Variants in CPNE7 observed in about 807,000 individuals in gnomAD.
The protein encoded by CPNE7 is copine 7.
In CPNE7, 78 loss-of-function variants were observed where a neutral mutation model predicts 66.5. The observed-to-expected ratio is 1.17, with a 90% CI of 0.98 to 1.42. The LOEUF (loss-of-function observed/expected upper bound fraction) is 1.42, where lower values mean the gene tolerates loss of function less well. CPNE7 is among the 40% of genes most tolerant of loss of function. CPNE7 has a pLI of 0.00. For missense variants in CPNE7, 1,012 were observed against 776.6 expected, an observed-to-expected ratio of 1.30 and a Z score of -3.60; for synonymous variants, 468 against 336.7, an observed-to-expected ratio of 1.39 and a Z score of -4.27.
intron 13 of CPNE7, among the ~76,000 whole-genome samples, chr16:89,591,473 C>T (rs890785903): frequency 1.3e-4 from 20 of 152,238 alleles, no homozygotes; most frequent in East Asian, 3.8e-4. Context: ...TCGCCTCACA[C>T]GGTCACGGCC....
chr16:89,596,308 C>G (rs1469661008), intron 14 of CPNE7, among the ~76,000 whole-genome samples, 176 bp from the exon 15 acceptor site: 1 of 152,238 alleles, frequency 6.6e-6, no homozygotes, highest in Non-Finnish European at 1.5e-5. Context: ...CCACGTGCAG[C>G]CTCATGTGGC....
rs367624092 is a variant in CPNE7, at chr16:89,587,039, G to T, written c.868-4G>T. Reference sequence around the variant, plus strand: ...GGGTGGACGCTGACTCCGCCGGCCGGAAGTTCCACAGGGTGTACTCCTTCC... The same window carrying T: ...GGGTGGACGCTGACTCCGCCGGCCGTAAGTTCCACAGGGTGTACTCCTTCC... On this transcript the variant is annotated splice_region_variant and splice_polypyrimidine_tract_variant and intron_variant, in intron 8 of 14. Transcript: ENST00000319518. 8 of 1,577,822 alleles carry T rather than the reference G, an allele frequency of 5.1e-6. No individual in the cohort carries two copies. Among genetic ancestry groups the T allele is most frequent in the Non-Finnish European group, 6.9e-6 (8 of 1,161,532 alleles).
intron 1 of CPNE7, 82 bp from the exon 2 acceptor site, chr16:89,577,457 G>A: frequency 7.1e-7 from 1 of 1,402,802 alleles, no homozygotes; most frequent in Non-Finnish European, 9.7e-7. Flanking sequence ...CTGGGCGTGG[G>A]TGAGCGGCAG....
intron 2 of CPNE7, among the ~76,000 whole-genome samples, chr16:89,582,629 T>G (rs71396930): frequency 0.028 from 4,204 of 152,290 alleles, 79 homozygotes; most frequent in Non-Finnish European, 0.042. Context: ...TTCCCACCCC[T>G]TAACCTGACT....
intron 7 of CPNE7, among the ~76,000 whole-genome samples, chr16:89,586,218 G>A (rs1282341593): frequency 2.0e-5 from 3 of 152,116 alleles, no homozygotes; most frequent in African/African-American, 7.2e-5. Context: ...GGCTGAGGAT[G>A]GTGGACCCTG....
At chr16:89,587,203 T>C (rs565434123) in intron 9 of CPNE7, 101 bp downstream of exon 9, 6,463 of 229,768 alleles carry the variant, frequency 0.028, 482 homozygotes, top group African/African-American at 0.038. Flanking sequence ...CCCCTCAGTC[T>C]GTGGCCCCGC....
At chr16:89,576,678 C>T (rs2058865279) in intron 1 of CPNE7, among the ~76,000 whole-genome samples, 1 of 152,158 alleles carries the variant, frequency 6.6e-6, no homozygotes. Context: ...ACGCATGGCG[C>T]GAAGCCGCAG....
intron 1 of CPNE7, 53 bp from the exon 2 acceptor site, chr16:89,577,486 G>C (rs2058878062): frequency 6.5e-7 from 1 of 1,532,780 alleles, no homozygotes; most frequent in South Asian, 1.2e-5. Context: ...TGGAGGTCTG[G>C]AGCCCGGGGT....
intron 1 of CPNE7, 33 bp downstream of exon 1, chr16:89,576,104 C>T: frequency 1.6e-6 from 2 of 1,241,932 alleles, no homozygotes; most frequent in Non-Finnish European, 2.0e-6. Flanking sequence ...CGAGAGGCCA[C>T]CGGGCCGGGG....
intron 2 of CPNE7, among the ~76,000 whole-genome samples, chr16:89,580,726 G>T (rs1361891936): frequency 9.7e-6 from 1 of 102,780 alleles, no homozygotes; most frequent in Non-Finnish European, 2.0e-5. Flanking sequence ...GTCACCCGCT[G>T]ACACAGAACA....
rs1381541591 is a variant in CPNE7 at position 89,576,011 on chromosome 16, G to A, written c.114G>A (p.Pro38=). ...GCCGGCACCTGCTGGACCGCGACCC[G>A]CTCACCAAGTCCGACCCCAGCGTGG... ...LSCRHLLDRD[P]LTKSDPSVAL... Residue 38 remains proline (P), a synonymous_variant, in exon 1 of 15, where the codon CCG becomes CCA. Transcript: ENST00000319518. 3 of 1,371,452 alleles carry A rather than the reference G, an allele frequency of 2.2e-6. No homozygotes were observed. The highest frequency in any genetic ancestry group is 1.6e-5 in the South Asian group (1 of 61,066). 85.0% of individuals were successfully genotyped at this position (1,371,452 alleles called of 1,614,324 possible).
Position 89,589,934 on chromosome 16 carries a change from A to T in CPNE7, c.1099A>T (p.Ile367Phe), listed in dbSNP as rs771989581. Residue 367 changes from isoleucine to phenylalanine, a missense_variant, in exon 11 of 15, where the codon ATC (isoleucine) becomes TTC (phenylalanine). Coordinates refer to ENST00000319518, the MANE Select transcript of CPNE7 (RefSeq NM_153636.3). ...TTCCGCTTTGGGGTTTGGAGCCCGG[A>T]TCCCTCCCAAGTATGAGGTAGGAGA... ...RFSALGFGAR[I>F]PPKYEVSHDF... 6.2e-7 allele frequency: 1 copy of T among 1,613,644 alleles called. No homozygotes were observed. The highest frequency in any genetic ancestry group is 1.1e-5 in the South Asian group (1 of 91,082).
chr16:89,577,409 C>G, intron 1 of CPNE7, 130 bp from the exon 2 acceptor site: 2 of 908,214 alleles, frequency 2.2e-6, no homozygotes, highest in Admixed American at 5.0e-5. Flanking sequence ...AGAGAGCAGG[C>G]AGGAGGTCTT....
At chr16:89,578,792 G>T in intron 2 of CPNE7, 2 of 1,476,266 alleles carry the variant, frequency 1.4e-6, no homozygotes, top group South Asian at 2.7e-5. Flanking sequence ...GCCTCCTTGT[G>T]AGCAGCAGGT....
intron 13 of CPNE7, among the ~76,000 whole-genome samples, chr16:89,594,394 G>T (rs1378648753): frequency 6.6e-6 from 1 of 152,108 alleles, no homozygotes; most frequent in Admixed American, 6.6e-5. Flanking sequence ...CACAAAAAGA[G>T]AGCCTCTTGG....
chr16:89,592,422 GTTGTAT>G (rs1228778567), intron 13 of CPNE7, among the ~76,000 whole-genome samples: 2 of 150,364 alleles, frequency 1.3e-5, no homozygotes, highest in Admixed American at 1.3e-4. Flanking sequence ...CTGTGTAGTT[GTTGTAT>G]TTGTATGTTT....
At chr16:89,595,216 A>T (rs575620865) in intron 13 of CPNE7, 151 bp from the exon 14 acceptor site, 1 of 615,146 alleles carries the variant, frequency 1.6e-6, no homozygotes, top group Non-Finnish European at 2.8e-6. Flanking sequence ...GTTGTTCGTG[A>T]TGTTTGTGAT....
At chr16:89,591,371 C>A (rs1038561884) in intron 13 of CPNE7, 111 bp downstream of exon 13, 2 of 1,402,698 alleles carry the variant, frequency 1.4e-6, no homozygotes, top group African/African-American at 2.9e-5. Flanking sequence ...CGCAGAGGCC[C>A]CCAGGCAGGA....
intron 13 of CPNE7, among the ~76,000 whole-genome samples, chr16:89,594,977 C>T (rs1255808107): frequency 1.3e-5 from 2 of 152,070 alleles, no homozygotes; most frequent in African/African-American, 2.4e-5. Flanking sequence ...GGCAGCACAG[C>T]GGGCACCCTG....
Sources: allele counts gnomAD v4.1 joint callset (sites outside exome capture counted in the v4.1 genomes callset), GRCh38; gene constraint gnomAD v4.1.1; transcripts MANE v1.5; gene names NCBI Gene and HGNC (gene_info 2026-07-23, HGNC 2026-07-21).